PIK3R1: variants seen among roughly 807,000 people sequenced by gnomAD.
PIK3R1 encodes phosphatidylinositol 3-kinase regulatory subunit alpha.
In PIK3R1, 29 loss-of-function variants were observed where a neutral mutation model predicts 98.0. The observed-to-expected ratio is 0.30, with a 90% confidence interval of 0.22 to 0.40. The LOEUF (loss-of-function observed/expected upper bound fraction) is 0.40. Ranked by LOEUF, PIK3R1 falls within the 10% of genes least tolerant of loss-of-function variation. The pLI is 1.00. For synonymous variants in PIK3R1, 282 were observed against 311.8 expected (o/e 0.90, Z 1.01); for missense variants, 596 against 872.7 (o/e 0.68, Z 3.99).
chr5:68,280,479 G>C (rs780248222), intron 5 of PIK3R1, 49 bp from the exon 6 acceptor site: 1 of 1,269,574 alleles, frequency 7.9e-7, no homozygotes, highest in South Asian at 1.3e-5. Flanking sequence ...CTGATACCTG[G>C]AAGTAGTCGC....
At chr5:68,286,748 A>G (rs1198136788) in intron 7 of PIK3R1, among the ~76,000 whole-genome samples, 1 of 152,236 alleles carries the variant, frequency 6.6e-6, no homozygotes, top group African/African-American at 2.4e-5. Context: ...AACAGAAAAT[A>G]TACTGGTGGA....
chr5:68,268,967 T>C (rs1746235483), intron 2 of PIK3R1, among the ~76,000 whole-genome samples: 1 of 152,168 alleles, frequency 6.6e-6, no homozygotes, highest in African/African-American at 2.4e-5. Context: ...CTATTCCATG[T>C]GATTGGCTGT....
intron 2 of PIK3R1, among the ~76,000 whole-genome samples, chr5:68,262,457 T>C (rs1561277634): frequency 2.0e-5 from 3 of 146,388 alleles, no homozygotes; most frequent in Non-Finnish European, 4.5e-5. Flanking sequence ...AGAATACATA[T>C]ATATATCTAT....
At chr5:68,231,294 C>T (rs867270125) in intron 2 of PIK3R1, among the ~76,000 whole-genome samples, 4 of 152,210 alleles carry the variant, frequency 2.6e-5, no homozygotes, top group African/African-American at 9.6e-5. Context: ...TTACTGCATA[C>T]CCACCTCCAT....
chr5:68,264,272 A>G (rs1329533642), intron 2 of PIK3R1, among the ~76,000 whole-genome samples: 1 of 152,178 alleles, frequency 6.6e-6, no homozygotes, highest in African/African-American at 2.4e-5. Flanking sequence ...ACCTCTTGTC[A>G]CTAAGGGTTG....
At chr5:68,286,924 C>T (rs1045843540) in intron 7 of PIK3R1, among the ~76,000 whole-genome samples, 4 of 152,188 alleles carry the variant, frequency 2.6e-5, no homozygotes, top group African/African-American at 9.7e-5. Context: ...ATTCTCTGAA[C>T]TAACCATATG....
intron 4 of PIK3R1, among the ~76,000 whole-genome samples, chr5:68,275,978 A>T (rs1429385753): frequency 6.6e-6 from 1 of 152,226 alleles, no homozygotes; most frequent in Admixed American, 6.5e-5. Context: ...TAGTAACTTT[A>T]ACTCACCAGA....
chr5:68,216,797 C>T (rs905427038), intron 1 of PIK3R1, among the ~76,000 whole-genome samples: 1 of 152,254 alleles, frequency 6.6e-6, no homozygotes, highest in Non-Finnish European at 1.5e-5. Flanking sequence ...AGAAACTGCC[C>T]CTCAGATCAC....
intron 2 of PIK3R1, among the ~76,000 whole-genome samples, chr5:68,240,902 C>G (rs1744849466): frequency 6.6e-6 from 1 of 152,176 alleles, no homozygotes; most frequent in Non-Finnish European, 1.5e-5. Flanking sequence ...CACTGTCACT[C>G]TCCACTTCCC....
At chr5:68,236,077 G>A (rs1318769755) in intron 2 of PIK3R1, among the ~76,000 whole-genome samples, 1 of 150,734 alleles carries the variant, frequency 6.6e-6, no homozygotes, top group Non-Finnish European at 1.5e-5. Context: ...CACCATATTG[G>A]TCAGGCTGGT....
chr5:68,295,261 A>G lies in PIK3R1; in HGVS notation c.1682A>G (p.Lys561Arg), dbSNP rs2112276068. 6.2e-7 allele frequency: 1 copy of G among 1,614,180 alleles called. No homozygotes were observed. The highest frequency in any genetic ancestry group is 8.5e-7 in the Non-Finnish European group (1 of 1,180,008). The change falls in exon 13 of 16, where the codon AAA becomes AGA. Residue 561 changes from lysine to arginine, a missense_variant. Coordinates refer to ENST00000521381, the MANE Select transcript of PIK3R1 (RefSeq NM_181523.3). ...GCAGCTGAGTATCGAGAAATTGACA[A>G]ACGTATGAACAGCATTAAACCAGAC... ...KQAAEYREID[K>R]RMNSIKPDLI...
chr5:68,232,073 T>C (rs1448529459), intron 2 of PIK3R1, among the ~76,000 whole-genome samples: 3 of 152,326 alleles, frequency 2.0e-5, no homozygotes, highest in African/African-American at 7.2e-5. Context: ...TGAAATATAT[T>C]TCTACTGAAA....
At chr5:68,264,860 GTC>G in intron 2 of PIK3R1, among the ~76,000 whole-genome samples, 1 of 152,310 alleles carries the variant, frequency 6.6e-6, no homozygotes, top group East Asian at 1.9e-4. Flanking sequence ...CTGGCTGCTA[GTC>G]TCTCTTTTGA....
chr5:68,226,292 G>A lies in PIK3R1; in HGVS notation c.-384G>A, dbSNP rs1305311886. 4 of 411,276 alleles carry A rather than the reference G, an allele frequency of 9.7e-6. No individual in the cohort carries two copies. The highest frequency in any genetic ancestry group is 6.1e-5 in the African/African-American group (3 of 48,938). 25.5% of individuals were successfully genotyped at this position (411,276 alleles called of 1,614,324 possible). A position where few individuals can be genotyped will look rare whatever the true frequency, so the allele number is the denominator to read the frequency against. ...AGTCTCGTTTTTTTCATTCCTAGGTGAAGCTCGTGTGTGGAGTGCCACGGT... is the reference window on the plus strand; with the variant it reads ...AGTCTCGTTTTTTTCATTCCTAGGTAAAGCTCGTGTGTGGAGTGCCACGGT... On this transcript the variant is annotated splice_region_variant and 5_prime_UTR_variant, in exon 2 of 16. Transcript: ENST00000521381.
chr5:68,270,360 G>A lies in PIK3R1; in HGVS notation c.335-3030G>A, dbSNP rs181095600. 1.2e-3 allele frequency among the ~76,000 whole-genome samples: 176 copies of A among 152,164 alleles called. 1 individual carries two copies. Among genetic ancestry groups the A allele is most frequent in the African/African-American group, 4.2e-3 (174 of 41,522 alleles). On this transcript the variant is annotated intron_variant, in intron 2 of 15. Transcript: ENST00000521381. ...TTTGTATGGAGCATTTGCCAGCCCAGCAATATAACAACTTTTGGGTGCATA... is the reference window on the plus strand; with the variant it reads ...TTTGTATGGAGCATTTGCCAGCCCAACAATATAACAACTTTTGGGTGCATA...
chr5:68,217,649 T>TGCGCGCGC (rs751885132), intron 1 of PIK3R1: 1 of 136,042 alleles, frequency 7.4e-6, no homozygotes, highest in African/African-American at 3.0e-5. Context: ...TGTGTGTGTG[T>TGCGCGCGC]GTGTGCGCGC....
At chr5:68,296,055 G>A (rs1451668670) in intron 14 of PIK3R1, 116 bp from the exon 15 acceptor site, 3 of 974,128 alleles carry the variant, frequency 3.1e-6, no homozygotes, top group South Asian at 1.7e-5. Flanking sequence ...TGGCCAGTCT[G>A]ACTGGCTTGG....
At chr5:68,227,636 A>G (rs1744330154) in intron 2 of PIK3R1, among the ~76,000 whole-genome samples, 1 of 152,236 alleles carries the variant, frequency 6.6e-6, no homozygotes. Flanking sequence ...ATGACCACAG[A>G]ACTCGGCTGA....
Position 68,226,308 on chromosome 5 carries a change from G to C in PIK3R1, c.-368G>C. 1 of 415,470 alleles carries C rather than the reference G, an allele frequency of 2.4e-6. No homozygotes were observed. The highest frequency in any genetic ancestry group is 3.4e-5 in the East Asian group (1 of 29,612). 25.7% of individuals were successfully genotyped at this position (415,470 alleles called of 1,614,324 possible). On this transcript the variant is annotated 5_prime_UTR_variant, in exon 2 of 16. Coordinates refer to ENST00000521381, the MANE Select transcript of PIK3R1 (RefSeq NM_181523.3). Reference sequence around the variant, plus strand: ...TTCCTAGGTGAAGCTCGTGTGTGGAGTGCCACGGTACAATCAGACGACAGA... The same window carrying C: ...TTCCTAGGTGAAGCTCGTGTGTGGACTGCCACGGTACAATCAGACGACAGA...
Sources: gnomAD v4.1 joint callset for allele counts (sites outside exome capture counted in the v4.1 genomes callset) on GRCh38, gnomAD v4.1.1 for gene constraint, MANE v1.5 for transcripts, NCBI Gene and HGNC (gene_info 2026-07-23, HGNC 2026-07-21) for gene names.